MAPRE1: variants seen among roughly 807,000 people sequenced by gnomAD.
MAPRE1 encodes microtubule-associated protein RP/EB family member 1.
MAPRE1 carries 5 observed loss-of-function variants against 32.1 expected under a neutral mutation model. That is an observed-to-expected ratio of 0.16 (90% CI 0.08 to 0.33). The LOEUF is 0.33. Ranked by LOEUF, MAPRE1 falls within the 10% of genes least tolerant of loss-of-function variation. MAPRE1 has a pLI of 1.00. For synonymous variants in MAPRE1, 122 were observed against 118.9 expected (o/e 1.03, Z -0.17); for missense variants, 209 against 327.2 (o/e 0.64, Z 2.79).
At chr20:32,844,115 A>G (rs1190668473) in intron 5 of MAPRE1, among the ~76,000 whole-genome samples, 1 of 152,176 alleles carries the variant, frequency 6.6e-6, no homozygotes, top group Non-Finnish European at 1.5e-5. Context: ...TGGCCTCCCA[A>G]GGTGCTGGGA....
rs1450531600 is a variant in MAPRE1 at position 32,846,646 on chromosome 20, A to G, written c.626A>G (p.Asp209Gly). 1 of 1,614,170 alleles carries G rather than the reference A, an allele frequency of 6.2e-7. No homozygotes were observed. The highest frequency in any genetic ancestry group is 1.7e-5 in the Admixed American group (1 of 60,028). The change falls in exon 6 of 7, where the codon GAC becomes GGC. Residue 209 changes from aspartate to glycine, a missense_variant. Asp to Gly is a moderately conservative substitution (Grantham distance 94). Around this residue, in one of 3 missense-constraint regions of MAPRE1, gnomAD observed 106 missense variants for 115.3 expected, o/e 0.92. Coordinates refer to ENST00000375571, the MANE Select transcript of MAPRE1 (RefSeq NM_012325.3). ...QVNVLKLTVE[D>G]LEKERDFYFG... is the part of the protein sequence containing the mutation. ...AACGTATTGAAACTTACTGTTGAAG[A>G]CTTGGAGAAAGAGAGGGATTTCTAC...
rs763788168 is a variant in MAPRE1, at chr20:32,839,710, C to CA, written c.476-20dup. ...TGTTTGGGCTGGAATTACTCCTTTT[C>CA]AAAAACCTGTGCTCTCTTTTTCAGC... On this transcript the variant is annotated intron_variant, in intron 4 of 6. Transcript: ENST00000375571. The CA allele has an allele frequency of 2.0e-5, 32 of 1,611,042 alleles. 1 individual carries two copies. In the South Asian group the frequency reaches 2.6e-4, roughly 13 times the overall value.
At chr20:32,841,915 C>T (rs1021317014) in intron 5 of MAPRE1, among the ~76,000 whole-genome samples, 11 of 151,808 alleles carry the variant, frequency 7.2e-5, no homozygotes, top group Non-Finnish European at 1.3e-4. Context: ...GGATAAATGT[C>T]AGTGGATAAA....
In MAPRE1 at chr20:32,820,428, G is replaced by C. The variant is rs189480319; in HGVS notation, c.-4+400G>C. ...AGGCCGTGTTGCCTGAGGGCCGAGA[G>C]ATCGGGTGGTGGAGTCAGACCTGGG... On this transcript the variant is annotated intron_variant, in intron 1 of 6. Transcript: ENST00000375571. Among the ~76,000 whole-genome samples the C allele has an allele frequency of 1.9e-3, 293 of 152,296 alleles. 2 individuals carry two copies. The highest frequency in any genetic ancestry group is 2.9e-3 in the Non-Finnish European group (195 of 68,012).
At chr20:32,829,429 T>C (rs1314561460) in intron 2 of MAPRE1, among the ~76,000 whole-genome samples, 1 of 152,148 alleles carries the variant, frequency 6.6e-6, no homozygotes, top group African/African-American at 2.4e-5. Context: ...TTGCTTCCAG[T>C]ATGAGAGCAG....
chr20:32,837,022 G>A (rs932247236), intron 4 of MAPRE1, among the ~76,000 whole-genome samples, 181 bp downstream of exon 4: 2 of 152,160 alleles, frequency 1.3e-5, no homozygotes, highest in African/African-American at 4.8e-5. Flanking sequence ...TTAGGTGTCT[G>A]TAGCCCTGTG....
At chr20:32,828,568 C>A (rs1982933186) in intron 2 of MAPRE1, among the ~76,000 whole-genome samples, 2 of 152,202 alleles carry the variant, frequency 1.3e-5, no homozygotes, top group Admixed American at 1.3e-4. Flanking sequence ...TGTCTTAGTT[C>A]TTCATCTGTG....
At chr20:32,838,486 C>A (rs527263341) in intron 4 of MAPRE1, among the ~76,000 whole-genome samples, 2 of 152,286 alleles carry the variant, frequency 1.3e-5, no homozygotes, top group South Asian at 4.1e-4. Flanking sequence ...GTTTTGATTT[C>A]TCTCAGTTAC....
At chr20:32,845,758 G>T (rs181514810) in intron 5 of MAPRE1, among the ~76,000 whole-genome samples, 1 of 152,090 alleles carries the variant, frequency 6.6e-6, no homozygotes, top group Non-Finnish European at 1.5e-5. Context: ...GCTGAGACGC[G>T]TGCGCCACTC....
rs6119990 is a variant in MAPRE1 at position 32,845,870 on chromosome 20, G to T, written c.598-748G>T. On this transcript the variant is annotated intron_variant, in intron 5 of 6. Coordinates refer to ENST00000375571, the MANE Select transcript of MAPRE1 (RefSeq NM_012325.3). ...TGTAGAATTCCCTTCTGCCGAGGTC[G>T]TTCTCAGTGGCTGTACCTTTGATTT... Among the ~76,000 whole-genome samples, 1,225 of 152,226 alleles carry T rather than the reference G, an allele frequency of 8.0e-3. 13 individuals carry two copies. Among genetic ancestry groups the T allele is most frequent in the African/African-American group, 0.028 (1,172 of 41,526 alleles).
chr20:32,832,807 C>CTTTT lies in MAPRE1; in HGVS notation c.122-889_122-886dup, dbSNP rs35277682. On this transcript the variant is annotated intron_variant, in intron 2 of 6. Coordinates refer to ENST00000375571, the MANE Select transcript of MAPRE1 (RefSeq NM_012325.3). The stretch of plus-strand genomic sequence containing the variant: ...TATTTATTTTTGAGCCAGAGTTTCG[C>CTTTT]TTTTTTTTTTTTTTTTTTTTTTTTG... Among the ~76,000 whole-genome samples the CTTTT allele has an allele frequency of 1.2e-3, 72 of 58,780 alleles. 2 individuals carry two copies. The highest frequency in any genetic ancestry group is 1.7e-3 in the Non-Finnish European group (58 of 34,360). 38.6% of individuals were successfully genotyped at this position (58,780 alleles called of 152,430 possible).
intron 2 of MAPRE1, among the ~76,000 whole-genome samples, chr20:32,832,393 G>GA (rs11479132): frequency 6.0e-5 from 9 of 148,976 alleles, no homozygotes; most frequent in Admixed American, 5.3e-4. Context: ...ACACTTTTTG[G>GA]AAAAAAAAAA....
rs1307890379 is a variant in MAPRE1, at chr20:32,839,735, C to T, written c.476C>T (p.Ala159Val). 1.2e-6 allele frequency: 2 copies of T among 1,613,082 alleles called. No homozygotes were observed. The highest frequency in any genetic ancestry group is 1.3e-5 in the African/African-American group (1 of 74,820). ...PKKPLTSSSA[A>V]PQRPISTQRT... The stretch of plus-strand genomic sequence containing the variant: ...CAAAAACCTGTGCTCTCTTTTTCAG[C>T]TCCCCAGAGGCCCATCTCAACACAG... Residue 159 changes from alanine (A) to valine (V), a missense_variant and splice_region_variant, in exon 5 of 7, where the codon GCT (alanine) becomes GTT (valine). This residue lies in a region of MAPRE1 where 106 missense variants were observed against 115.3 expected (regional missense o/e 0.92). Transcript: ENST00000375571.
At chr20:32,826,231 T>C (rs969594517) in intron 2 of MAPRE1, among the ~76,000 whole-genome samples, 183 bp downstream of exon 2, 6 of 147,832 alleles carry the variant, frequency 4.1e-5, no homozygotes, top group Non-Finnish European at 7.4e-5. Context: ...TTTTTTTTTT[T>C]TTTTTGACAG....
chr20:32,824,312 C>T (rs554913379), intron 1 of MAPRE1, among the ~76,000 whole-genome samples: 16 of 152,362 alleles, frequency 1.1e-4, no homozygotes, highest in African/African-American at 3.4e-4. Context: ...CCCACATTTA[C>T]TAGCATTTGA....
At position 32,827,577 on chromosome 20, in the gene MAPRE1, G is replaced by T. The variant is rs548500241; in HGVS notation, c.121+1529G>T. On this transcript the variant is annotated intron_variant, in intron 2 of 6. Coordinates refer to ENST00000375571, the MANE Select transcript of MAPRE1 (RefSeq NM_012325.3). ...TCACTCACTAATCATGAGCCACTGTGCCTGCCCTGGATCGATCTTAAATTA... is the reference window on the plus strand; with the variant it reads ...TCACTCACTAATCATGAGCCACTGTTCCTGCCCTGGATCGATCTTAAATTA... 1.4e-4 allele frequency among the ~76,000 whole-genome samples: 21 copies of T among 152,096 alleles called. No individual in the cohort carries two copies. The South Asian group carries it at 2.5e-3, about 18-fold the overall frequency.
chr20:32,846,648 T>G lies in MAPRE1; in HGVS notation c.628T>G (p.Leu210Val). The part of the protein sequence containing the change: ...VNVLKLTVED[L>V]EKERDFYFGK... ...CGTATTGAAACTTACTGTTGAAGAC[T>G]TGGAGAAAGAGAGGGATTTCTACTT... is the stretch of plus-strand genomic sequence containing the variant. The change falls in exon 6 of 7, where the codon TTG becomes GTG. Residue 210 changes from leucine to valine, a missense_variant. Transcript: ENST00000375571. 6.2e-7 allele frequency: 1 copy of G among 1,614,160 alleles called. No individual in the cohort carries two copies.
intron 6 of MAPRE1, among the ~76,000 whole-genome samples, chr20:32,847,639 G>C (rs897546065): frequency 6.6e-6 from 1 of 152,216 alleles, no homozygotes; most frequent in African/African-American, 2.4e-5. Flanking sequence ...AGACAACGAA[G>C]ATATAGGGGG....
chr20:32,830,430 C>T (rs549686763), intron 2 of MAPRE1, among the ~76,000 whole-genome samples: 12 of 152,316 alleles, frequency 7.9e-5, no homozygotes, highest in African/African-American at 2.4e-4. Context: ...TTTGTTTTCT[C>T]CTCAGGCTAG....
Sources: allele counts gnomAD v4.1 joint callset (sites outside exome capture counted in the v4.1 genomes callset), GRCh38; gene constraint gnomAD v4.1.1; regional missense constraint gnomAD v4.1.1; transcripts MANE v1.5; gene names NCBI Gene and HGNC (gene_info 2026-07-23, HGNC 2026-07-21).